ADGRD1: variants seen among roughly 807,000 people sequenced by gnomAD.
ADGRD1 encodes the protein G-protein coupled receptor 133.
ADGRD1 carries 77 observed loss-of-function variants against 113.4 expected under a neutral mutation model. The observed-to-expected ratio is 0.68, with a 90% CI of 0.57 to 0.82. The LOEUF is 0.82. Ranked by LOEUF, ADGRD1 falls within the 40% of genes least tolerant of loss-of-function variation. The pLI is 0.00. For synonymous variants in ADGRD1, 474 were observed against 475.0 expected, an observed-to-expected ratio of 1.00 and a Z score of 0.03; for missense variants, 1,036 against 1,139.1, an observed-to-expected ratio of 0.91 and a Z score of 1.30.
At chr12:131,088,872 C>T (rs1045045593) in intron 15 of ADGRD1, among the ~76,000 whole-genome samples, 9 of 152,170 alleles carry the variant, frequency 5.9e-5, no homozygotes, top group African/African-American at 2.2e-4. Flanking sequence ...TACTTCTGAG[C>T]CATATGTGAG....
chr12:130,979,815 T>TCACACACACACACACACACACACACA (rs1491129989), intron 4 of ADGRD1, among the ~76,000 whole-genome samples: 6 of 139,744 alleles, frequency 4.3e-5, no homozygotes, highest in African/African-American at 1.7e-4. Flanking sequence ...GCAGCTAGTG[T>TCACACACACACACACACACACACACA]CTCACACACA....
At position 131,014,527 on chromosome 12, in the gene ADGRD1, C is replaced by T. The variant is rs1389498497; in HGVS notation, c.1473+187C>T. Among the ~76,000 whole-genome samples the T allele has an allele frequency of 5.3e-5, 8 of 152,216 alleles. No homozygotes were observed. The East Asian group carries it at 1.2e-3, about 22-fold the overall frequency. On this transcript the variant is annotated intron_variant, in intron 13 of 24. Coordinates refer to ENST00000261654, the MANE Select transcript of ADGRD1 (RefSeq NM_198827.5). ...TTCTGAGCTGCAGTGGGAGGCCCCT[C>T]GCATAGTGCCTGGGCTGGCCACGCG...
At chr12:131,004,328 G>A in intron 11 of ADGRD1, 32 bp downstream of exon 11, 3 of 1,465,884 alleles carry the variant, frequency 2.0e-6, no homozygotes, top group South Asian at 1.1e-5. Context: ...TCCCTTCCGG[G>A]GCGGCTCCCT....
intron 13 of ADGRD1, among the ~76,000 whole-genome samples, chr12:131,044,508 A>G (rs1334057951): frequency 6.6e-6 from 1 of 152,170 alleles, no homozygotes; most frequent in Non-Finnish European, 1.5e-5. Flanking sequence ...TTTCTTTTAA[A>G]AGTGGCCCTC....
intron 2 of ADGRD1, among the ~76,000 whole-genome samples, chr12:130,964,673 G>A (rs60162816): frequency 0.027 from 4,089 of 152,248 alleles, 81 homozygotes; most frequent in Middle Eastern, 0.082. Context: ...CAACAACAGC[G>A]AAGCTCTATC....
chr12:130,989,071 A>G (rs1874049980), intron 6 of ADGRD1: 1 of 152,168 alleles, frequency 6.6e-6, no homozygotes, highest in Non-Finnish European at 1.5e-5. Flanking sequence ...CGACATTTAC[A>G]TCTTCCAGCT....
At chr12:131,058,350 C>G (rs1884051442) in intron 13 of ADGRD1, among the ~76,000 whole-genome samples, 1 of 152,196 alleles carries the variant, frequency 6.6e-6, no homozygotes, top group South Asian at 2.1e-4. Flanking sequence ...GCTGCTTGGC[C>G]TAACAGAAAC....
At chr12:131,104,308 C>T (rs781727355) in intron 15 of ADGRD1, among the ~76,000 whole-genome samples, 11 of 152,256 alleles carry the variant, frequency 7.2e-5, no homozygotes, top group Middle Eastern at 3.4e-3. Context: ...CAGGCCGGGG[C>T]GGTAACCAGC....
intron 13 of ADGRD1, chr12:131,026,571 G>A (rs1304819291): frequency 2.6e-5 from 4 of 152,398 alleles, no homozygotes; most frequent in Non-Finnish European, 4.4e-5. Flanking sequence ...TTGGCCTTTT[G>A]AAGTTGGCTT....
At chr12:131,011,246 G>A (rs1042833981) in intron 12 of ADGRD1, among the ~76,000 whole-genome samples, 4 of 149,796 alleles carry the variant, frequency 2.7e-5, no homozygotes, top group South Asian at 2.1e-4. Flanking sequence ...CTAAGGAGGC[G>A]TCTGGCCCCA....
At chr12:131,061,333 G>A (rs1355942502) in intron 13 of ADGRD1, among the ~76,000 whole-genome samples, 1 of 152,150 alleles carries the variant, frequency 6.6e-6, no homozygotes, top group African/African-American at 2.4e-5. Context: ...GCTGTCACCT[G>A]CCGTCCCCGT....
intron 5 of ADGRD1, among the ~76,000 whole-genome samples, chr12:130,986,334 TTATA>T (rs1318995008): frequency 6.6e-6 from 1 of 152,090 alleles, no homozygotes; most frequent in African/African-American, 2.4e-5. Context: ...TTCATCAGAG[TTATA>T]TAGTTTTCTT....
At chr12:131,124,900 C>T (rs1160851498) in intron 20 of ADGRD1, among the ~76,000 whole-genome samples, 6 of 152,298 alleles carry the variant, frequency 3.9e-5, no homozygotes, top group South Asian at 2.1e-4. Context: ...TGCTGTAACA[C>T]GGGACCACAG....
intron 20 of ADGRD1, among the ~76,000 whole-genome samples, chr12:131,130,071 C>T (rs1319612610): frequency 5.2e-5 from 8 of 152,390 alleles, no homozygotes; most frequent in South Asian, 2.1e-4. Flanking sequence ...CTGTCATCCA[C>T]GCTGCTCCCG....
chr12:130,975,885 T>A lies in ADGRD1; in HGVS notation c.310+4305T>A, dbSNP rs79616891. ...CTTCTAGTTCCAGCTCTCCTGTGAA[T>A]GGCTTTGGCAGCTCCTGGGAAAGGC... On this transcript the variant is annotated intron_variant, in intron 4 of 24. Coordinates refer to ENST00000261654, the MANE Select transcript of ADGRD1 (RefSeq NM_198827.5). Among the ~76,000 whole-genome samples the A allele has an allele frequency of 8.9e-3, 1,358 of 152,288 alleles. 25 individuals are homozygous for A. Among genetic ancestry groups the A allele is most frequent in the African/African-American group, 0.031 (1,304 of 41,558 alleles).
rs115585918 is a variant in ADGRD1 at position 130,971,290 on chromosome 12, C to A, written c.188-168C>A. On this transcript the variant is annotated intron_variant, in intron 3 of 24. Transcript: ENST00000261654. This position sits in a 1 kb window ranked among gnomAD's most constrained non-coding sequence, Gnocchi z 4.2. ...TACAATTTAATTACTAATAATATTA[C>A]TGATGCTATGAATATTATCATAGAA... is the stretch of plus-strand genomic sequence containing the variant. 20,212 of 319,176 alleles carry A rather than the reference C, an allele frequency of 0.063. 1,180 individuals carry two copies. Among genetic ancestry groups the A allele is most frequent in the African/African-American group, 0.2 (9,114 of 45,608 alleles). 19.8% of individuals were successfully genotyped at this position (319,176 alleles called of 1,614,324 possible).
chr12:130,980,295 G>A (rs1353886030), intron 4 of ADGRD1, among the ~76,000 whole-genome samples: 6 of 151,802 alleles, frequency 4.0e-5, no homozygotes, highest in African/African-American at 1.2e-4. Context: ...TAGTAGAGAC[G>A]GGGTTTCACC....
chr12:131,135,930 C>A, intron 21 of ADGRD1, 107 bp from the exon 22 acceptor site: 1 of 1,227,352 alleles, frequency 8.1e-7, no homozygotes, highest in Non-Finnish European at 1.2e-6. Context: ...TTGCTCCCGG[C>A]AGGGCGGTGC....
At chr12:131,025,080 G>A (rs1396364295) in intron 13 of ADGRD1, among the ~76,000 whole-genome samples, 6 of 152,208 alleles carry the variant, frequency 3.9e-5, no homozygotes, top group Admixed American at 3.9e-4. Flanking sequence ...AAGTATGAAA[G>A]GTGCCAGTTT....
Sources: gnomAD v4.1 joint callset for allele counts (sites outside exome capture counted in the v4.1 genomes callset) on GRCh38, gnomAD v4.1.1 for gene constraint, Gnocchi (gnomAD v3.1) non-coding constraint, MANE v1.5 for transcripts, NCBI Gene and HGNC (gene_info 2026-07-23, HGNC 2026-07-21) for gene names.